Variants in LAMP2 observed in about 807,000 individuals in gnomAD.
LAMP2 encodes the protein lysosome-associated membrane glycoprotein 2.
LAMP2 carries 4 observed loss-of-function variants against 25.6 expected under a neutral mutation model. That is an observed-to-expected ratio of 0.16 (90% confidence interval 0.08 to 0.36). The LOEUF is 0.36. Among genes scored for constraint, LAMP2 ranks in the 10% least tolerant of loss-of-function variants. The pLI, the probability that LAMP2 is intolerant of heterozygous loss-of-function variation, is 1.00. For missense variants in LAMP2, 272 were observed against 301.4 expected, an observed-to-expected ratio of 0.90 and a Z score of 0.72; for synonymous variants, 108 against 112.7, an observed-to-expected ratio of 0.96 and a Z score of 0.27.
chrX:120,458,092 A>G (rs751379388), intron 1 of LAMP2, among the ~76,000 whole-genome samples: 8 of 111,772 alleles, frequency 7.2e-5, no homozygotes, highest in Admixed American at 5.7e-4. Flanking sequence ...ATTCTTTTCT[A>G]AGTACAATAC....
intron 8 of LAMP2, 79 bp from the exon 9 acceptor site, chrX:120,431,541 C>T: frequency 1.1e-6 from 1 of 941,347 alleles, no homozygotes; most frequent in Admixed American, 2.2e-5. Flanking sequence ...AAAATGACAG[C>T]ACTTCCTAAC....
chrX:120,430,791 C>G lies in LAMP2; in HGVS notation c.*532G>C. The G allele has an allele frequency of 2.4e-5, 18 of 756,756 alleles. No individual in the cohort carries two copies. Among genetic ancestry groups the G allele is most frequent in the Non-Finnish European group, 2.8e-5 (18 of 640,299 alleles). 62.4% of individuals were successfully genotyped at this position (756,756 alleles called of 1,213,427 possible). On this transcript the variant is annotated 3_prime_UTR_variant, in exon 9 of 9. Coordinates refer to ENST00000200639, the MANE Select transcript of LAMP2 (RefSeq NM_002294.3). ...TTTAAAATGCTGATGGTCCTGAGGA[C>G]ATTCTCTACTTCATTCAACTGAAAA...
chrX:120,446,691 G>A (rs1471248857), intron 5 of LAMP2, among the ~76,000 whole-genome samples: 1 of 110,844 alleles, frequency 9.0e-6, no homozygotes, highest in Non-Finnish European at 1.9e-5. Flanking sequence ...GAGCACAAGA[G>A]CCATCTGCCT....
intron 3 of LAMP2, among the ~76,000 whole-genome samples, chrX:120,452,334 C>G (rs1028895363): frequency 1.8e-5 from 2 of 110,672 alleles, no homozygotes; most frequent in African/African-American, 3.3e-5. Flanking sequence ...CAATTACTGC[C>G]GCATATGCTA....
chrX:120,466,386 T>A (rs961686576), intron 1 of LAMP2, among the ~76,000 whole-genome samples: 1 of 112,456 alleles, frequency 8.9e-6, no homozygotes, highest in African/African-American at 3.2e-5. Context: ...AGGGAACTAC[T>A]GATTAACAGA....
rs1159923443 is a variant in LAMP2 at position 120,448,982 on chromosome X, C to T, written c.544G>A (p.Val182Met). 1 of 1,209,858 alleles carries T rather than the reference C, an allele frequency of 8.3e-7. No homozygotes were observed. The highest frequency in any genetic ancestry group is 2.2e-5 in the Admixed American group (1 of 46,030). ...ATACTTTACTCACCATTTGTGCTCA[C>T]TGTGCCATTTTGGACAAAAGCTTGT... ...LVQAFVQNGT[V>M]STNEFLCDKD... is the part of the protein sequence containing the mutation. Residue 182 changes from valine to methionine, a missense_variant, in exon 4 of 9, where the codon GTG (valine) becomes ATG (methionine). By Grantham distance (21) the Val-to-Met change is conservative (BLOSUM62 1). Transcript: ENST00000200639.
intron 3 of LAMP2, among the ~76,000 whole-genome samples, chrX:120,452,871 AC>A (rs2058628457): frequency 9.1e-6 from 1 of 109,984 alleles, no homozygotes; most frequent in Admixed American, 9.8e-5. Flanking sequence ...GGCACTCTTA[AC>A]CACAGGGATC....
intron 1 of LAMP2, among the ~76,000 whole-genome samples, chrX:120,466,093 G>A (rs1921519956): frequency 9.0e-6 from 1 of 111,683 alleles, no homozygotes; most frequent in African/African-American, 3.3e-5. Context: ...TGGAGGCGGA[G>A]GGAATCAATC....
At chrX:120,438,445 T>A (rs1034406925) in intron 8 of LAMP2, 1 of 734,003 alleles carries the variant, frequency 1.4e-6, no homozygotes, top group Non-Finnish European at 1.6e-6. Context: ...ATTTAAAAGA[T>A]TGAAATATCC....
chrX:120,439,039 C>T, intron 8 of LAMP2: 3 of 1,158,391 alleles, frequency 2.6e-6, no homozygotes, highest in Non-Finnish European at 3.5e-6. Context: ...TCCCCCATAC[C>T]ACCCATTCTA....
intron 8 of LAMP2, among the ~76,000 whole-genome samples, chrX:120,433,586 G>C (rs752930217): frequency 2.6e-4 from 29 of 111,467 alleles, no homozygotes; most frequent in Non-Finnish European, 4.3e-4. Flanking sequence ...AGATATAAAT[G>C]GGCCTTGATG....
At chrX:120,444,144 T>A (rs1239787912) in intron 6 of LAMP2, among the ~76,000 whole-genome samples, 3 of 110,831 alleles carry the variant, frequency 2.7e-5, no homozygotes, top group African/African-American at 9.9e-5. Context: ...ATGGAGAAGG[T>A]GAGGAAGAGG....
intron 2 of LAMP2, 27 bp from the exon 3 acceptor site, chrX:120,455,597 A>G (rs1297711479): frequency 9.2e-7 from 1 of 1,086,265 alleles, no homozygotes; most frequent in Admixed American, 2.2e-5. Flanking sequence ...TTTGGGGGTG[A>G]GAAACAAACA....
intron 8 of LAMP2, chrX:120,437,896 C>T (rs2058552615): frequency 6.4e-6 from 4 of 623,916 alleles, no homozygotes; most frequent in South Asian, 1.7e-4. Context: ...GTTTTTGTCG[C>T]CCAGGCTGGA....
intron 1 of LAMP2, among the ~76,000 whole-genome samples, chrX:120,462,519 C>CA (rs199797977): frequency 0.015 from 934 of 61,532 alleles, 23 homozygotes; most frequent in African/African-American, 0.051. Context: ...AAGACCCTGT[C>CA]AAAAAAAAAA....
In LAMP2 at chrX:120,456,718, G is replaced by A. The variant is rs866456239; in HGVS notation, c.116C>T (p.Ala39Val). ...LELNLTDSENATCLYAKWQMN... is the reference protein window; with the variant it reads ...LELNLTDSENVTCLYAKWQMN... The stretch of plus-strand genomic sequence containing the variant: ...CTGCCATTTTGCATAAAGGCAAGTG[G>A]CATTTTCTGAATCTGTCAAATTAAG... Residue 39 changes from alanine (A) to valine (V), a missense_variant, in exon 2 of 9, where the codon GCC becomes GTC. Physicochemically the swap from Ala to Val is moderately conservative, Grantham distance 64. Coordinates refer to ENST00000200639, the MANE Select transcript of LAMP2 (RefSeq NM_002294.3). The A allele has an allele frequency of 1.7e-6, 2 of 1,190,775 alleles. No homozygotes were observed. The highest frequency in any genetic ancestry group is 2.3e-6 in the Non-Finnish European group (2 of 881,668).
At chrX:120,460,740 C>A (rs1314120224) in intron 1 of LAMP2, among the ~76,000 whole-genome samples, 3 of 111,866 alleles carry the variant, frequency 2.7e-5, no homozygotes, top group Non-Finnish European at 3.8e-5. Flanking sequence ...CACTTGAGGT[C>A]AGGAGTTCGA....
chrX:120,462,595 T>C (rs1921366412), intron 1 of LAMP2, among the ~76,000 whole-genome samples: 1 of 108,803 alleles, frequency 9.2e-6, no homozygotes, highest in Non-Finnish European at 1.9e-5. Flanking sequence ...AAAAAGTGGC[T>C]AGGTTTTTGC....
intron 3 of LAMP2, among the ~76,000 whole-genome samples, chrX:120,452,654 G>A (rs1459995633): frequency 7.5e-5 from 8 of 106,518 alleles, no homozygotes; most frequent in Non-Finnish European, 1.3e-4. Context: ...GGGCTCAAGC[G>A]ATCCTCCACC....
Sources: gnomAD v4.1 joint callset for allele counts (sites outside exome capture counted in the v4.1 genomes callset) on GRCh38, gnomAD v4.1.1 for gene constraint, MANE v1.5 for transcripts, NCBI Gene and HGNC (gene_info 2026-07-23, HGNC 2026-07-21) for gene names.